PPFIA2: variants seen among roughly 807,000 people sequenced by gnomAD.
PPFIA2 encodes the protein liprin-alpha-2.
PPFIA2 carries 46 observed loss-of-function variants against 175.5 expected under a neutral mutation model. The observed-to-expected ratio is 0.26, with a 90% CI of 0.21 to 0.34. The LOEUF is 0.34. Ranked by LOEUF, PPFIA2 falls within the 10% of genes least tolerant of loss-of-function variation. The pLI is 1.00. For synonymous variants in PPFIA2, 568 were observed against 511.4 expected, an observed-to-expected ratio of 1.11 and a Z score of -1.49; for missense variants, 1,179 against 1,506.1, an observed-to-expected ratio of 0.78 and a Z score of 3.60.
At chr12:81,743,441 A>AAAAAC (rs2082603559) in intron 3 of PPFIA2, among the ~76,000 whole-genome samples, 10 of 141,962 alleles carry the variant, frequency 7.0e-5, no homozygotes, top group African/African-American at 2.5e-4. Flanking sequence ...AAAAAAAAAA[A>AAAAAC]AAAACTTTTG....
intron 4 of PPFIA2, among the ~76,000 whole-genome samples, chr12:81,552,614 T>C (rs1004521826): frequency 2.6e-5 from 4 of 151,986 alleles, no homozygotes; most frequent in Non-Finnish European, 5.9e-5. Flanking sequence ...AATATGAATC[T>C]TTTGTTATTT....
intron 9 of PPFIA2, among the ~76,000 whole-genome samples, chr12:81,380,527 C>T (rs2037390677): frequency 7.3e-6 from 1 of 136,782 alleles, no homozygotes; most frequent in African/African-American, 2.9e-5. Context: ...TTCACATCTT[C>T]CTGCTTATTG....
chr12:81,301,496 G>A (rs1178329144), intron 22 of PPFIA2, among the ~76,000 whole-genome samples: 2 of 152,072 alleles, frequency 1.3e-5, no homozygotes, highest in East Asian at 1.9e-4. Flanking sequence ...TGAAACTTCT[G>A]ACTAGTTCCC....
intron 3 of PPFIA2, among the ~76,000 whole-genome samples, chr12:81,691,545 C>T (rs2075247816): frequency 6.6e-6 from 1 of 152,100 alleles, no homozygotes; most frequent in African/African-American, 2.4e-5. Context: ...CAAGATAACA[C>T]CTTATTGGAA....
At chr12:81,297,248 G>C (rs1239059746) in intron 23 of PPFIA2, among the ~76,000 whole-genome samples, 1 of 152,150 alleles carries the variant, frequency 6.6e-6, no homozygotes, top group Non-Finnish European at 1.5e-5. Context: ...CTGAGCAGAG[G>C]CCATCACAAA....
intron 24 of PPFIA2, among the ~76,000 whole-genome samples, chr12:81,288,095 G>T (rs1324967287): frequency 2.6e-5 from 4 of 151,822 alleles, no homozygotes; most frequent in Admixed American, 2.6e-4. Flanking sequence ...CAAGGGGCTT[G>T]AGTTATACAG....
intron 4 of PPFIA2, chr12:81,597,920 C>A (rs932293345): frequency 6.5e-7 from 1 of 1,528,242 alleles, no homozygotes; most frequent in African/African-American, 1.4e-5. Flanking sequence ...CATTAACTTA[C>A]TAAGTAGTGA....
intron 26 of PPFIA2, among the ~76,000 whole-genome samples, chr12:81,281,832 T>C (rs949706351): frequency 6.6e-6 from 1 of 152,118 alleles, no homozygotes; most frequent in Non-Finnish European, 1.5e-5. Context: ...CATTTCCCAC[T>C]TATCAATGCC....
chr12:81,569,896 T>C (rs1172748442), intron 4 of PPFIA2, among the ~76,000 whole-genome samples: 3 of 152,150 alleles, frequency 2.0e-5, no homozygotes, highest in Non-Finnish European at 4.4e-5. Context: ...GTTACAAAGC[T>C]GGTAATAGGC....
intron 14 of PPFIA2, among the ~76,000 whole-genome samples, chr12:81,365,613 T>C (rs2032947474): frequency 6.6e-6 from 1 of 151,770 alleles, no homozygotes; most frequent in South Asian, 2.1e-4. Context: ...AAACTTCTGA[T>C]GATTCATCAA....
At chr12:81,735,347 C>T (rs1194204313) in intron 3 of PPFIA2, among the ~76,000 whole-genome samples, 2 of 151,724 alleles carry the variant, frequency 1.3e-5, no homozygotes, top group African/African-American at 4.8e-5. Context: ...CTAATGACTA[C>T]AGAGATTGAG....
intron 7 of PPFIA2, among the ~76,000 whole-genome samples, chr12:81,410,118 T>G (rs998751990): frequency 6.6e-6 from 1 of 152,124 alleles, no homozygotes; most frequent in East Asian, 1.9e-4. Flanking sequence ...ATAATGGAAG[T>G]AGAAGGCAGT....
In PPFIA2 at chr12:81,339,286, G is replaced by A; in HGVS notation, c.2442C>T (p.Ala814=). ...LEPESLGLGS[A]NSSQDSLHKA... is the part of the protein sequence containing the mutation. ...TGTGAAGAGAGTCTTGGCTGCTGTT[G>A]GCACTACCAAGCCCGAGGCTTTCTG... Residue 814 remains alanine (A), a synonymous_variant, in exon 21 of 33, where the codon GCC becomes GCT. Transcript: ENST00000549396. 1 of 1,609,952 alleles carries A rather than the reference G, an allele frequency of 6.2e-7. No homozygotes were observed. Among genetic ancestry groups the A allele is most frequent in the Non-Finnish European group, 8.5e-7 (1 of 1,177,866 alleles).
chr12:81,460,528 A>G (rs1417712938), intron 4 of PPFIA2, among the ~76,000 whole-genome samples: 1 of 152,116 alleles, frequency 6.6e-6, no homozygotes, highest in Non-Finnish European at 1.5e-5. Context: ...TCCAAAGTAT[A>G]GTATACCTTC....
chr12:81,272,731 T>C (rs1042673063), intron 28 of PPFIA2, among the ~76,000 whole-genome samples: 1 of 152,258 alleles, frequency 6.6e-6, no homozygotes. Flanking sequence ...GATTGAAAAA[T>C]TGCAGAGGCT....
intron 3 of PPFIA2, among the ~76,000 whole-genome samples, chr12:81,753,226 C>T (rs944479103): frequency 2.0e-5 from 3 of 152,134 alleles, no homozygotes; most frequent in South Asian, 2.1e-4. Context: ...TGAGCCACTG[C>T]GGCCAGCCTA....
At chr12:81,325,475 T>A (rs185389905) in intron 22 of PPFIA2, among the ~76,000 whole-genome samples, 264 of 152,250 alleles carry the variant, frequency 1.7e-3, no homozygotes, top group African/African-American at 6.0e-3. Flanking sequence ...ATCAAACCAA[T>A]CAGGTTTTAA....
In PPFIA2 at chr12:81,341,298, G is replaced by A. The variant is rs563218725; in HGVS notation, c.2263-90C>T. The A allele has an allele frequency of 1.2e-5, 16 of 1,289,564 alleles. No individual in the cohort carries two copies. The African/African-American group carries it at 1.5e-4, about 12-fold the overall frequency. 79.9% of individuals were successfully genotyped at this position (1,289,564 alleles called of 1,614,324 possible). On this transcript the variant is annotated intron_variant, in intron 19 of 32. Coordinates refer to ENST00000549396, the MANE Select transcript of PPFIA2 (RefSeq NM_003625.5). ...GGAGAATCATGAGAACAAGGCTGTC[G>A]AGTAATTTTAATACAAAATAAAACA...
chr12:81,629,355 A>G (rs1436708571), intron 4 of PPFIA2, among the ~76,000 whole-genome samples: 2 of 152,080 alleles, frequency 1.3e-5, no homozygotes, highest in African/African-American at 4.8e-5. Flanking sequence ...TGACCACTAC[A>G]TTTTTTCAGT....
Sources: gnomAD v4.1 joint callset for allele counts (sites outside exome capture counted in the v4.1 genomes callset) on GRCh38, gnomAD v4.1.1 for gene constraint, MANE v1.5 for transcripts, NCBI Gene and HGNC (gene_info 2026-07-23, HGNC 2026-07-21) for gene names.